Variants in CCDC57 observed in about 807,000 individuals in gnomAD.
CCDC57 encodes coiled-coil domain containing 57.
A neutral mutation model predicts 118.9 loss-of-function variants in CCDC57; 118 were observed. The observed-to-expected ratio is 0.99, with a 90% CI of 0.86 to 1.16. CCDC57 has a LOEUF of 1.16. Ranked by LOEUF, CCDC57 falls within the 50% of genes most tolerant of loss-of-function variation. The pLI, the probability that CCDC57 is intolerant of heterozygous loss-of-function variation, is 0.00. For missense variants in CCDC57, 1,300 were observed against 1,320.7 expected (o/e 0.98, Z 0.24); for synonymous variants, 527 against 532.9 (o/e 0.99, Z 0.15).
chr17:82,150,790 C>T (rs1339967424), intron 16 of CCDC57, among the ~76,000 whole-genome samples: 87 of 104,350 alleles, frequency 8.3e-4, no homozygotes, highest in Middle Eastern at 5.1e-3. Context: ...CTGGTGCACA[C>T]CCAGAACCTG....
At chr17:82,156,010 G>A (rs1450908328) in intron 15 of CCDC57, 3 of 152,202 alleles carry the variant, frequency 2.0e-5, no homozygotes, top group Non-Finnish European at 4.4e-5. Flanking sequence ...GCCAGGCACA[G>A]TGGGCCACTG....
intron 3 of CCDC57, 98 bp from the exon 3 acceptor site, chr17:82,198,520 G>A: frequency 9.5e-6 from 8 of 842,232 alleles, no homozygotes; most frequent in East Asian, 2.7e-5. Flanking sequence ...TTGGTGCTTT[G>A]CTTTTATGAA....
chr17:82,200,160 T>C (rs965405176), intron 3 of CCDC57, among the ~76,000 whole-genome samples: 2 of 152,214 alleles, frequency 1.3e-5, no homozygotes, highest in Admixed American at 6.5e-5. Context: ...CCGGAGCACC[T>C]GGTGTGGTCC....
chr17:82,194,416 T>C (rs956675012), intron 5 of CCDC57, among the ~76,000 whole-genome samples: 8 of 151,924 alleles, frequency 5.3e-5, no homozygotes, highest in African/African-American at 1.9e-4. Context: ...GTTCAAGCAA[T>C]TCTCCTGCCT....
intron 9 of CCDC57, among the ~76,000 whole-genome samples, chr17:82,182,748 C>T (rs894510769): frequency 1.3e-5 from 2 of 152,002 alleles, no homozygotes; most frequent in African/African-American, 2.4e-5. Flanking sequence ...TGCAGTGGCA[C>T]GATCTGGGCT....
chr17:82,167,907 C>T (rs981246585), intron 13 of CCDC57, among the ~76,000 whole-genome samples: 5 of 152,230 alleles, frequency 3.3e-5, no homozygotes, highest in Admixed American at 6.5e-5. Flanking sequence ...TGAGCCACGG[C>T]GCCCGGCCTG....
intron 19 of CCDC57, among the ~76,000 whole-genome samples, chr17:82,103,819 T>A (rs983474698): frequency 2.1e-5 from 3 of 141,146 alleles, no homozygotes. Flanking sequence ...TGGGTCACAG[T>A]CCCCGGGGCA....
At chr17:82,167,788 G>C (rs1380247593) in intron 13 of CCDC57, among the ~76,000 whole-genome samples, 1 of 152,120 alleles carries the variant, frequency 6.6e-6, no homozygotes, top group Non-Finnish European at 1.5e-5. Context: ...GCTAATTTTT[G>C]TATTTTTAGT....
chr17:82,153,330 G>A (rs1202333108), intron 15 of CCDC57: 1 of 152,214 alleles, frequency 6.6e-6, no homozygotes, highest in Non-Finnish European at 1.5e-5. Context: ...TTTAACTGAA[G>A]AAAGAACAAT....
chr17:82,145,599 T>A (rs1056478851), intron 16 of CCDC57, among the ~76,000 whole-genome samples: 1 of 151,898 alleles, frequency 6.6e-6, no homozygotes, highest in African/African-American at 2.4e-5. Context: ...TTTTAAGGAA[T>A]CCCAGCTTTC....
intron 19 of CCDC57, among the ~76,000 whole-genome samples, chr17:82,106,962 C>T (rs1317672716): frequency 6.6e-6 from 1 of 152,210 alleles, no homozygotes; most frequent in East Asian, 1.9e-4. Flanking sequence ...ACCGCCATGT[C>T]CCCGGGGAAC....
intron 2 of CCDC57, chr17:82,207,710 A>G (rs1404848232): frequency 6.6e-6 from 1 of 152,248 alleles, no homozygotes; most frequent in Non-Finnish European, 1.5e-5. Flanking sequence ...TCTCCCGCAC[A>G]GCCGGCTCTG....
chr17:82,121,102 G>A (rs117490012), intron 19 of CCDC57, among the ~76,000 whole-genome samples: 2,685 of 152,198 alleles, frequency 0.018, 39 homozygotes, highest in Non-Finnish European at 0.026. Flanking sequence ...AATACCAGCC[G>A]TTGCCAGGCA....
intron 19 of CCDC57, among the ~76,000 whole-genome samples, chr17:82,114,990 C>T (rs993053710): frequency 3.3e-5 from 5 of 152,204 alleles, no homozygotes; most frequent in African/African-American, 4.8e-5. Flanking sequence ...AGACCAAGCC[C>T]GCCCGCAGGG....
At position 82,145,026 on chromosome 17, in the gene CCDC57, C is replaced by CTTT. The variant is rs63184860; in HGVS notation, c.2455+6531_2455+6533dup. Among the ~76,000 whole-genome samples the CTTT allele has an allele frequency of 2.9e-3, 354 of 120,232 alleles. 7 individuals are homozygous for CTTT. In the East Asian group the frequency reaches 0.054, roughly 18 times the overall value. 78.9% of individuals were successfully genotyped at this position (120,232 alleles called of 152,430 possible). A position where few individuals can be genotyped will look rare whatever the true frequency, so the allele number is the denominator to read the frequency against. On this transcript the variant is annotated intron_variant, in intron 16 of 19. Coordinates refer to ENST00000665763, the Ensembl canonical transcript of CCDC57. ...TTTTATTTCTTTTCTTTTTTTTTTT[C>CTTT]TTTTTTTTTTTTTTGAGACAGAGTC...
chr17:82,161,193 CCAGAAA>C (rs1233020463), intron 14 of CCDC57, among the ~76,000 whole-genome samples: 50 of 152,298 alleles, frequency 3.3e-4, no homozygotes, highest in Middle Eastern at 3.4e-3. Context: ...AGCATCACAG[CCAGAAA>C]ACAGCTAGTG....
At chr17:82,109,648 G>A (rs947574938) in intron 19 of CCDC57, among the ~76,000 whole-genome samples, 1 of 152,060 alleles carries the variant, frequency 6.6e-6, no homozygotes, top group African/African-American at 2.4e-5. Context: ...ACGAGGTCAG[G>A]AGATAGAGAC....
chr17:82,172,584 T>C lies in CCDC57; in HGVS notation c.1729+54A>G. On this transcript the variant is annotated intron_variant, in intron 12 of 19. Coordinates refer to ENST00000665763, the Ensembl canonical transcript of CCDC57. This position sits in a 1 kb window ranked among gnomAD's most constrained non-coding sequence, Gnocchi z 5.2. ...AGACCCATGCTCCCGTCTGTCCTCC[T>C]CCCTCCCTCTCCCCCTTCCTCTCCC... The C allele has an allele frequency of 6.8e-7, 1 of 1,463,872 alleles. No homozygotes were observed. The highest frequency in any genetic ancestry group is 9.3e-7 in the Non-Finnish European group (1 of 1,069,642). 90.7% of individuals were successfully genotyped at this position (1,463,872 alleles called of 1,614,324 possible).
chr17:82,103,885 G>A (rs1368655887), intron 19 of CCDC57, among the ~76,000 whole-genome samples: 3 of 152,074 alleles, frequency 2.0e-5, no homozygotes, highest in African/African-American at 4.8e-5. Flanking sequence ...AGGGCAGGCC[G>A]GCCCCTAGCT....
Sources: gnomAD v4.1 joint callset for allele counts (sites outside exome capture counted in the v4.1 genomes callset) on GRCh38, gnomAD v4.1.1 for gene constraint, Gnocchi (gnomAD v3.1) non-coding constraint, MANE v1.5 for transcripts, NCBI Gene and HGNC (gene_info 2026-07-23, HGNC 2026-07-21) for gene names.